Variants in FSIP1 observed in about 807,000 individuals in gnomAD.
FSIP1 encodes fibrous sheath interacting protein 1.
FSIP1 carries 65 observed loss-of-function variants against 60.9 expected under a neutral mutation model. The observed-to-expected ratio is 1.07, with a 90% CI of 0.87 to 1.31. The LOEUF is 1.31. FSIP1 is among the 40% of genes most tolerant of loss of function. FSIP1 has a pLI of 0.00. For missense variants in FSIP1, 675 were observed against 665.5 expected, an observed-to-expected ratio of 1.01 and a Z score of -0.16; for synonymous variants, 209 against 221.2, an observed-to-expected ratio of 0.94 and a Z score of 0.49.
chr15:39,603,905 T>G (rs1168971368), intron 11 of FSIP1, among the ~76,000 whole-genome samples: 1 of 152,184 alleles, frequency 6.6e-6, no homozygotes, highest in African/African-American at 2.4e-5. Context: ...ATCTTAAAAT[T>G]CAGGCTCTGA....
intron 10 of FSIP1, among the ~76,000 whole-genome samples, chr15:39,626,402 C>A (rs958643914): frequency 1.3e-5 from 2 of 152,150 alleles, no homozygotes; most frequent in Admixed American, 6.5e-5. Flanking sequence ...AACCCTCCAC[C>A]TTGTACTGGT....
intron 8 of FSIP1, among the ~76,000 whole-genome samples, chr15:39,731,498 G>A (rs976524296): frequency 6.6e-6 from 1 of 151,992 alleles, no homozygotes; most frequent in Non-Finnish European, 1.5e-5. Context: ...TGTCTGAATG[G>A]GATTATTTTC....
chr15:39,766,222 C>G (rs1489574230), intron 3 of FSIP1, among the ~76,000 whole-genome samples: 1 of 152,166 alleles, frequency 6.6e-6, no homozygotes, highest in Non-Finnish European at 1.5e-5. Flanking sequence ...AAAGTGGTTG[C>G]AACATATAGA....
chr15:39,692,822 C>T (rs992029776), intron 10 of FSIP1, among the ~76,000 whole-genome samples: 3 of 152,116 alleles, frequency 2.0e-5, no homozygotes, highest in African/African-American at 7.2e-5. Flanking sequence ...GCAGCTAAGC[C>T]GCTTAATGTC....
intron 8 of FSIP1, among the ~76,000 whole-genome samples, chr15:39,729,347 G>A (rs1028425868): frequency 3.3e-5 from 5 of 152,232 alleles, no homozygotes; most frequent in African/African-American, 1.2e-4. Flanking sequence ...CAAGGCAGGT[G>A]TATGGCCTGA....
At chr15:39,712,607 G>A (rs569882210) in intron 10 of FSIP1, among the ~76,000 whole-genome samples, 1 of 152,302 alleles carries the variant, frequency 6.6e-6, no homozygotes, top group African/African-American at 2.4e-5. Flanking sequence ...GTTACTGCAG[G>A]TAATTACCGC....
chr15:39,735,707 T>A (rs1482224509), intron 8 of FSIP1, among the ~76,000 whole-genome samples: 1 of 152,218 alleles, frequency 6.6e-6, no homozygotes, highest in African/African-American at 2.4e-5. Context: ...TAAATTTGTT[T>A]AACTTTTTCG....
chr15:39,634,822 G>A lies in FSIP1; in HGVS notation c.1189-16577C>T, dbSNP rs147847571. Among the ~76,000 whole-genome samples, 5 of 152,294 alleles carry A rather than the reference G, an allele frequency of 3.3e-5. No individual in the cohort carries two copies. In the East Asian group the frequency reaches 9.6e-4, roughly 29 times the overall value. ...CTAGTACATGTGCATCTTACACCAA[G>A]ACATCAGTGGTACCTAATGTATCTT... On this transcript the variant is annotated intron_variant, in intron 10 of 11. Coordinates refer to ENST00000350221, the MANE Select transcript of FSIP1 (RefSeq NM_152597.5).
chr15:39,681,884 A>G (rs999923961), intron 10 of FSIP1, among the ~76,000 whole-genome samples: 8 of 152,192 alleles, frequency 5.3e-5, no homozygotes, highest in Non-Finnish European at 8.8e-5. Flanking sequence ...AAGGAAGCAC[A>G]ACTGATTTTG....
chr15:39,659,133 A>G lies in FSIP1; in HGVS notation c.1189-40888T>C, dbSNP rs186713896. 2.1e-3 allele frequency among the ~76,000 whole-genome samples: 324 copies of G among 152,334 alleles called. 1 individual carries two copies. Among genetic ancestry groups the G allele is most frequent in the Non-Finnish European group, 1.5e-3 (99 of 68,024 alleles). ...AAATCCATAGAGGCAGAAAAAAATC[A>G]GTGGTTATGCCATGAAATGGGGAGT... On this transcript the variant is annotated intron_variant, in intron 10 of 11. Coordinates refer to ENST00000350221, the MANE Select transcript of FSIP1 (RefSeq NM_152597.5).
intron 10 of FSIP1, among the ~76,000 whole-genome samples, chr15:39,647,038 G>C (rs1892645643): frequency 6.7e-6 from 1 of 149,842 alleles, no homozygotes; most frequent in African/African-American, 2.4e-5. Context: ...TTGAATACAT[G>C]AAGATAGAAT....
At chr15:39,605,413 C>G (rs944457075) in intron 11 of FSIP1, among the ~76,000 whole-genome samples, 1 of 152,218 alleles carries the variant, frequency 6.6e-6, no homozygotes, top group African/African-American at 2.4e-5. Flanking sequence ...CAGGGCTTCT[C>G]AAACTTTATT....
intron 10 of FSIP1, among the ~76,000 whole-genome samples, chr15:39,624,561 A>G (rs1891562662): frequency 6.6e-6 from 1 of 152,220 alleles, no homozygotes; most frequent in Admixed American, 6.5e-5. Context: ...ATTGGTGTTC[A>G]TTTTAATGTC....
At chr15:39,629,322 T>A (rs1047207690) in intron 10 of FSIP1, among the ~76,000 whole-genome samples, 1 of 152,212 alleles carries the variant, frequency 6.6e-6, no homozygotes, top group African/African-American at 2.4e-5. Flanking sequence ...ACTTCAAGGC[T>A]GACACTATTA....
chr15:39,617,931 T>C lies in FSIP1; in HGVS notation c.1503A>G (p.Ala501=). Residue 501 remains alanine, a synonymous_variant, in exon 11 of 12, where the codon GCA becomes GCG. Transcript: ENST00000350221. Reference sequence around the variant, plus strand: ...AAAATTGAAGGCATTTCATATTCTCTGCTTCAGTGACAAGAGCTTCTGACA... The same window carrying C: ...AAAATTGAAGGCATTTCATATTCTCCGCTTCAGTGACAAGAGCTTCTGACA... ...HNMSEALVTE[A]ENMKCLQFSK... 5 of 1,614,220 alleles carry C rather than the reference T, an allele frequency of 3.1e-6. No homozygotes were observed. Among genetic ancestry groups the C allele is most frequent in the Non-Finnish European group, 4.2e-6 (5 of 1,180,020 alleles).
At chr15:39,758,954 G>A (rs777498718) in intron 5 of FSIP1, among the ~76,000 whole-genome samples, 1 of 151,938 alleles carries the variant, frequency 6.6e-6, no homozygotes, top group Non-Finnish European at 1.5e-5. Context: ...AAAGGGTCTT[G>A]GAATAGCTGG....
At chr15:39,738,298 C>G (rs999453367) in intron 7 of FSIP1, 97 bp from the exon 8 acceptor site, 4 of 724,124 alleles carry the variant, frequency 5.5e-6, no homozygotes, top group Admixed American at 5.5e-5. Context: ...TACAGATACA[C>G]AAAGAAAAGT....
At chr15:39,658,199 A>T (rs1192299647) in intron 10 of FSIP1, among the ~76,000 whole-genome samples, 1 of 152,024 alleles carries the variant, frequency 6.6e-6, no homozygotes, top group Non-Finnish European at 1.5e-5. Context: ...AATGCAAATT[A>T]ACCAATATTA....
intron 3 of FSIP1, among the ~76,000 whole-genome samples, chr15:39,768,033 G>C (rs1357610176): frequency 6.6e-6 from 1 of 152,172 alleles, no homozygotes; most frequent in Non-Finnish European, 1.5e-5. Context: ...ACTCCCACTT[G>C]GGATTTGGGA....
Sources: gnomAD v4.1 joint callset for allele counts (sites outside exome capture counted in the v4.1 genomes callset) on GRCh38, gnomAD v4.1.1 for gene constraint, MANE v1.5 for transcripts, NCBI Gene and HGNC (gene_info 2026-07-23, HGNC 2026-07-21) for gene names.